Variants in MYO3B observed in about 807,000 individuals in gnomAD.
MYO3B encodes myosin-IIIb.
MYO3B carries 156 observed loss-of-function variants against 174.6 expected under a neutral mutation model. That is an observed-to-expected ratio of 0.89 (90% CI 0.78 to 1.02). The LOEUF is 1.02. Among genes scored for constraint, MYO3B ranks in the 50% least tolerant of loss-of-function variants. The probability of loss-of-function intolerance (pLI) is 0.00; values close to 1 mark genes in which losing one functional copy is unlikely to be tolerated. For missense variants in MYO3B, 1,632 were observed against 1,639.4 expected, an observed-to-expected ratio of 1.00 and a Z score of 0.08; for synonymous variants, 563 against 569.1, an observed-to-expected ratio of 0.99 and a Z score of 0.15.
chr2:170,214,912 C>T (rs2092811462), intron 5 of MYO3B, 84 bp downstream of exon 5: 3 of 1,030,552 alleles, frequency 2.9e-6, no homozygotes, highest in South Asian at 2.7e-5. Context: ...AAGACTGGGG[C>T]TTCTCTGCTA....
chr2:170,181,884 T>TCTTA (rs1269401239), intron 1 of MYO3B, among the ~76,000 whole-genome samples: 12 of 152,162 alleles, frequency 7.9e-5, no homozygotes, highest in Non-Finnish European at 1.3e-4. Context: ...TGCTTATTTC[T>TCTTA]CTTAACACTA....
At chr2:170,583,656 G>A (rs551442760) in intron 32 of MYO3B, among the ~76,000 whole-genome samples, 2 of 152,226 alleles carry the variant, frequency 1.3e-5, no homozygotes, top group South Asian at 2.1e-4. Context: ...ATGGAACTGG[G>A]TTAAGTGTTT....
At chr2:170,249,537 G>A (rs78452037) in intron 7 of MYO3B, among the ~76,000 whole-genome samples, 1,992 of 152,308 alleles carry the variant, frequency 0.013, 24 homozygotes, top group Non-Finnish European at 0.022. Context: ...CCCTTGGAGT[G>A]CAGACAGAAA....
intron 26 of MYO3B, 34 bp downstream of exon 26, chr2:170,498,737 A>G (rs773940424): frequency 7.2e-7 from 1 of 1,397,858 alleles, no homozygotes; most frequent in Non-Finnish European, 1.0e-6. Flanking sequence ...ATTGTCCCGT[A>G]TGATTTCTTT....
intron 32 of MYO3B, among the ~76,000 whole-genome samples, chr2:170,637,358 A>G (rs543991520): frequency 1.1e-4 from 16 of 151,964 alleles, no homozygotes; most frequent in African/African-American, 3.9e-4. Flanking sequence ...TTTTTAGTAG[A>G]GACAGGGTTT....
chr2:170,503,073 G>T (rs1207505720), intron 28 of MYO3B, among the ~76,000 whole-genome samples: 3 of 152,172 alleles, frequency 2.0e-5, no homozygotes, highest in Non-Finnish European at 2.9e-5. Context: ...TTCCCTACTT[G>T]CCTGCCTCCC....
At chr2:170,629,389 C>G (rs551220721) in intron 32 of MYO3B, among the ~76,000 whole-genome samples, 1 of 152,234 alleles carries the variant, frequency 6.6e-6, no homozygotes, top group East Asian at 1.9e-4. Flanking sequence ...TTCCCCCATC[C>G]CAAGCATCTA....
intron 3 of MYO3B, among the ~76,000 whole-genome samples, chr2:170,210,897 T>C (rs551561465): frequency 6.6e-6 from 1 of 152,260 alleles, no homozygotes; most frequent in South Asian, 2.1e-4. Context: ...ACACAACACA[T>C]ATGTAACTAC....
rs915828026 is a variant in MYO3B, at chr2:170,369,979, C to CT, written c.971+611dup. Among the ~76,000 whole-genome samples the CT allele has an allele frequency of 1.3e-4, 19 of 151,022 alleles. No individual in the cohort carries two copies. In the East Asian group the frequency reaches 1.4e-3, roughly 11 times the overall value. On this transcript the variant is annotated intron_variant, in intron 9 of 34. Transcript: ENST00000408978. ...TGTGATTCCTACCCTACCTCATCCTCTTTTTTTTTAGAAGGTAGATTTTTA... is the reference window on the plus strand; with the variant it reads ...TGTGATTCCTACCCTACCTCATCCTCTTTTTTTTTTAGAAGGTAGATTTTTA...
At chr2:170,437,574 T>C (rs1210886025) in intron 22 of MYO3B, among the ~76,000 whole-genome samples, 1 of 152,184 alleles carries the variant, frequency 6.6e-6, no homozygotes, top group African/African-American at 2.4e-5. Context: ...TTCTTACCAT[T>C]AGATGATACT....
At chr2:170,285,081 G>A (rs528057788) in intron 7 of MYO3B, among the ~76,000 whole-genome samples, 2 of 152,198 alleles carry the variant, frequency 1.3e-5, no homozygotes, top group East Asian at 3.9e-4. Context: ...TCTGTTATTG[G>A]ACTATATCAT....
chr2:170,519,398 C>A (rs1217785445), intron 29 of MYO3B, 40 bp from the exon 30 acceptor site: 34 of 1,568,144 alleles, frequency 2.2e-5, no homozygotes, highest in Non-Finnish European at 3.0e-5. Flanking sequence ...ACCCTACCTA[C>A]TTCTGAACAT....
chr2:170,200,084 T>C (rs919194149), intron 2 of MYO3B, 66 bp from the exon 3 acceptor site: 3 of 1,486,698 alleles, frequency 2.0e-6, no homozygotes, highest in African/African-American at 1.4e-5. Flanking sequence ...TTGAGCATGA[T>C]GTCATATCTG....
intron 12 of MYO3B, 61 bp downstream of exon 12, chr2:170,383,875 G>T (rs992128419): frequency 5.2e-6 from 7 of 1,338,822 alleles, no homozygotes; most frequent in Non-Finnish European, 1.1e-6. Flanking sequence ...TGTCTTCCTC[G>T]TCAACTCCTA....
intron 32 of MYO3B, among the ~76,000 whole-genome samples, chr2:170,557,241 G>A (rs575509415): frequency 1.3e-5 from 2 of 151,532 alleles, no homozygotes; most frequent in African/African-American, 2.4e-5. Context: ...CTGGGTTCAC[G>A]CCATTCTTCT....
rs117940906 is a variant in MYO3B, at chr2:170,301,770, G to A, written c.750-33615G>A. Reference sequence around the variant, plus strand: ...ATGTGCAGGGTGGCAGTGACGACACGTGGTCCAGTATTTCATGGCCTTTTT... The same window carrying A: ...ATGTGCAGGGTGGCAGTGACGACACATGGTCCAGTATTTCATGGCCTTTTT... On this transcript the variant is annotated intron_variant, in intron 7 of 34. Transcript: ENST00000408978. Among the ~76,000 whole-genome samples the A allele has an allele frequency of 3.4e-4, 52 of 151,968 alleles. No homozygotes were observed. The East Asian group carries it at 5.6e-3, about 16-fold the overall frequency.
At position 170,432,835 on chromosome 2, in the gene MYO3B, A is replaced by C. The variant is rs555966001; in HGVS notation, c.2651-11132A>C. Among the ~76,000 whole-genome samples, 30 of 152,250 alleles carry C rather than the reference A, an allele frequency of 2.0e-4. No individual in the cohort carries two copies. In the South Asian group the frequency reaches 5.8e-3, roughly 30 times the overall value. On this transcript the variant is annotated intron_variant, in intron 22 of 34. Coordinates refer to ENST00000408978, the MANE Select transcript of MYO3B (RefSeq NM_138995.5). ...TGTGATCCACCTGCCTCGGCCTCCT[A>C]AAGTGCTGGGATTACAGGCGTGAGC...
intron 7 of MYO3B, among the ~76,000 whole-genome samples, chr2:170,332,440 A>C (rs2093918324): frequency 6.6e-6 from 1 of 152,166 alleles, no homozygotes; most frequent in African/African-American, 2.4e-5. Flanking sequence ...AATGAAACAA[A>C]AGAATAACCT....
chr2:170,212,802 T>C lies in MYO3B; in HGVS notation c.322-1577T>C, dbSNP rs530292695. On this transcript the variant is annotated intron_variant, in intron 3 of 34. Transcript: ENST00000408978. ...ACCCATTTCCCCCAGTGCTCGTGTC[T>C]GGCTCCAGTCTGCTGTGGGGATGCC... Among the ~76,000 whole-genome samples the C allele has an allele frequency of 2.6e-5, 4 of 152,324 alleles. No individual in the cohort carries two copies. The South Asian group carries it at 8.3e-4, about 32-fold the overall frequency.
Sources: allele counts gnomAD v4.1 joint callset (sites outside exome capture counted in the v4.1 genomes callset), GRCh38; gene constraint gnomAD v4.1.1; transcripts MANE v1.5; gene names NCBI Gene and HGNC (gene_info 2026-07-23, HGNC 2026-07-21).